Variants in LNX1 observed in about 807,000 individuals in gnomAD.
LNX1 encodes E3 ubiquitin-protein ligase LNX.
LNX1 carries 54 observed loss-of-function variants against 68.4 expected under a neutral mutation model. That is an observed-to-expected ratio of 0.79 (90% CI 0.63 to 0.99). LNX1 has a LOEUF of 0.99. Ranked by LOEUF, LNX1 falls within the 50% of genes least tolerant of loss-of-function variation. LNX1 has a pLI of 0.00. For synonymous variants in LNX1, 336 were observed against 350.0 expected, an observed-to-expected ratio of 0.96 and a Z score of 0.45; for missense variants, 906 against 926.4, an observed-to-expected ratio of 0.98 and a Z score of 0.29.
rs371969478 is a variant in LNX1 at position 53,624,469 on chromosome 4, A to G, written c.-215+27699T>C. The stretch of plus-strand genomic sequence containing the variant: ...TCTTTCGCCATCTGCCATGATTGTG[A>G]GTCCTCCCCAGCCACATGCAACTGT... On this transcript the variant is annotated intron_variant, in intron 1 of 2. Coordinates refer to the LNX1 transcript ENST00000507168. 1.3e-4 allele frequency among the ~76,000 whole-genome samples: 20 copies of G among 152,308 alleles called. No homozygotes were observed. In the East Asian group the frequency reaches 2.9e-3, roughly 22 times the overall value.
chr4:53,466,869 C>T (rs1049131123), intron 9 of LNX1, among the ~76,000 whole-genome samples: 6 of 152,198 alleles, frequency 3.9e-5, no homozygotes, highest in African/African-American at 9.6e-5. Flanking sequence ...TGGTGAAGCC[C>T]ACCACAGCTC....
chr4:53,459,823 T>C lies in LNX1; in HGVS notation c.*1084A>G, dbSNP rs1014056. ...AACACCACTCTCTTAAGAGGCTGCATCACAAAAGGCAACAAAGGGCCCCTC... is the reference window on the plus strand; with the variant it reads ...AACACCACTCTCTTAAGAGGCTGCACCACAAAAGGCAACAAAGGGCCCCTC... On this transcript the variant is annotated 3_prime_UTR_variant, in exon 11 of 11. Transcript: ENST00000263925. The C allele has an allele frequency of 0.82, 218,555 of 265,788 alleles. 90,168 individuals are homozygous for C. The highest frequency in any genetic ancestry group is 0.85 in the Non-Finnish European group (118,577 of 138,826). 16.5% of individuals were successfully genotyped at this position (265,788 alleles called of 1,614,324 possible).
intron 1 of LNX1, among the ~76,000 whole-genome samples, chr4:53,626,670 T>C (rs1734087122): frequency 6.6e-6 from 1 of 152,198 alleles, no homozygotes; most frequent in South Asian, 2.1e-4. Context: ...TCAAAAGTTA[T>C]TTCTTTACGT....
intron 4 of LNX1, among the ~76,000 whole-genome samples, chr4:53,502,547 G>A (rs1416662816): frequency 6.6e-6 from 1 of 152,164 alleles, no homozygotes; most frequent in Admixed American, 6.5e-5. Context: ...GATGTTGATG[G>A]CTGCTGACTG....
intron 2 of LNX1, chr4:53,557,776 A>G: frequency 7.9e-7 from 1 of 1,271,028 alleles, no homozygotes; most frequent in Non-Finnish European, 1.1e-6. Context: ...GTATGTGTGG[A>G]ATTTAAAATG....
Position 53,508,161 on chromosome 4 carries a change from T to A in LNX1, c.447A>T (p.Pro149=). 1 of 1,614,206 alleles carries A rather than the reference T, an allele frequency of 6.2e-7. No individual in the cohort carries two copies. Among genetic ancestry groups the A allele is most frequent in the Non-Finnish European group, 8.5e-7 (1 of 1,180,026 alleles). The change falls in exon 3 of 11, where the codon CCA becomes CCT. Residue 149 remains proline, a synonymous_variant. Coordinates refer to ENST00000263925, the MANE Select transcript of LNX1 (RefSeq NM_001126328.3). ...TGGCTGTGAGGCTCGCACAGCCGTC[T>A]GGACAGCCATCTTGTGAGCGCCTCT... ...DRKRRSQDGC[P]DGCASLTATA...
chr4:53,470,627 GC>G (rs1560613036), intron 9 of LNX1, among the ~76,000 whole-genome samples: 1 of 152,146 alleles, frequency 6.6e-6, no homozygotes, highest in African/African-American at 2.4e-5. Flanking sequence ...AAGCTGATAA[GC>G]AACTTCAGCA....
intron 9 of LNX1, among the ~76,000 whole-genome samples, chr4:53,470,520 C>T (rs1442734049): frequency 2.8e-4 from 43 of 152,180 alleles, no homozygotes; most frequent in African/African-American, 5.1e-4. Flanking sequence ...AAATAAAGGG[C>T]ATTCAATTAG....
intron 2 of LNX1, among the ~76,000 whole-genome samples, chr4:53,556,965 T>G (rs538202888): frequency 7.9e-5 from 12 of 152,368 alleles, no homozygotes. Context: ...CTCTTGCTAT[T>G]TTTCCCGTCT....
At chr4:53,466,827 C>A (rs1183387734) in intron 9 of LNX1, among the ~76,000 whole-genome samples, 3 of 152,202 alleles carry the variant, frequency 2.0e-5, no homozygotes, top group Non-Finnish European at 4.4e-5. Flanking sequence ...AAGAAAGTGG[C>A]CTGGAAGCTC....
chr4:53,561,376 C>T (rs1360401129), intron 2 of LNX1, among the ~76,000 whole-genome samples: 2 of 152,058 alleles, frequency 1.3e-5, no homozygotes, highest in Non-Finnish European at 1.5e-5. Flanking sequence ...TACAGGCATG[C>T]ACCACCACAC....
At chr4:53,503,690 T>A (rs1579425337) in intron 4 of LNX1, among the ~76,000 whole-genome samples, 1 of 152,234 alleles carries the variant, frequency 6.6e-6, no homozygotes, top group Admixed American at 6.5e-5. Context: ...AAATGAGCAC[T>A]GGACCCCACC....
intron 2 of LNX1, among the ~76,000 whole-genome samples, chr4:53,603,363 A>G (rs746230898): frequency 6.6e-6 from 1 of 152,204 alleles, no homozygotes; most frequent in Non-Finnish European, 1.5e-5. Context: ...AGAGAAAGAG[A>G]AAAGGATTGG....
intron 1 of LNX1, among the ~76,000 whole-genome samples, chr4:53,645,754 T>C (rs1236817687): frequency 1.3e-5 from 2 of 152,180 alleles, no homozygotes; most frequent in African/African-American, 4.8e-5. Context: ...AGGTGAAGTA[T>C]GCCACTAGAA....
chr4:53,569,831 A>G (rs2109767935), intron 2 of LNX1, among the ~76,000 whole-genome samples: 1 of 134,334 alleles, frequency 7.4e-6, no homozygotes, highest in East Asian at 2.3e-4. Context: ...AAAACAAACA[A>G]CCCCATCAAA....
chr4:53,459,319 A>G lies in LNX1; in HGVS notation c.*1588T>C. On this transcript the variant is annotated 3_prime_UTR_variant, in exon 11 of 11. Coordinates refer to ENST00000263925, the MANE Select transcript of LNX1 (RefSeq NM_001126328.3). ...TTTTCCAGTAATAGTAGACGTCGCCATGAAAGTGAAGAAGGAGATAGTCAC... is the reference window on the plus strand; with the variant it reads ...TTTTCCAGTAATAGTAGACGTCGCCGTGAAAGTGAAGAAGGAGATAGTCAC... 3.3e-6 allele frequency: 5 copies of G among 1,517,316 alleles called. No homozygotes were observed. Among genetic ancestry groups the G allele is most frequent in the South Asian group, 1.1e-5 (1 of 87,098 alleles). 94.0% of individuals were successfully genotyped at this position (1,517,316 alleles called of 1,614,324 possible). A position where few individuals can be genotyped will look rare whatever the true frequency, so the allele number is the denominator to read the frequency against.
At chr4:53,564,800 G>A (rs1730535383) in intron 2 of LNX1, among the ~76,000 whole-genome samples, 1 of 152,220 alleles carries the variant, frequency 6.6e-6, no homozygotes, top group Non-Finnish European at 1.5e-5. Context: ...CCCTGCGCCA[G>A]CCGAAGCAGG....
intron 6 of LNX1, among the ~76,000 whole-genome samples, chr4:53,487,752 C>T (rs900119720): frequency 6.6e-6 from 1 of 152,160 alleles, no homozygotes; most frequent in East Asian, 1.9e-4. Flanking sequence ...TTATAGAGCT[C>T]GTCCTCTAGG....
At chr4:53,587,529 T>C (rs187226708) in intron 1 of LNX1, among the ~76,000 whole-genome samples, 393 of 152,322 alleles carry the variant, frequency 2.6e-3, no homozygotes, top group Non-Finnish European at 4.5e-3. Flanking sequence ...TGTATGCTAC[T>C]GGGAAGTCCA....
Sources: gnomAD v4.1 joint callset for allele counts (sites outside exome capture counted in the v4.1 genomes callset) on GRCh38, gnomAD v4.1.1 for gene constraint, MANE v1.5 for transcripts, NCBI Gene and HGNC (gene_info 2026-07-23, HGNC 2026-07-21) for gene names.